Variants in HERC4 observed in about 807,000 individuals in gnomAD.
HERC4 encodes the protein probable E3 ubiquitin-protein ligase HERC4.
HERC4 carries 28 observed loss-of-function variants against 124.3 expected under a neutral mutation model. The ratio of observed to expected loss-of-function variants is 0.23; its 90% CI spans 0.17 to 0.31. The LOEUF (loss-of-function observed/expected upper bound fraction) is 0.31. Among genes scored for constraint, HERC4 ranks in the 10% least tolerant of loss-of-function variants. The pLI is 1.00. For synonymous variants in HERC4, 407 were observed against 421.5 expected, an observed-to-expected ratio of 0.97 and a Z score of 0.42; for missense variants, 713 against 1,229.3, an observed-to-expected ratio of 0.58 and a Z score of 6.28.
At chr10:67,993,995 A>G (rs1250205214) in intron 9 of HERC4, 1 of 152,198 alleles carries the variant, frequency 6.6e-6, no homozygotes, top group Non-Finnish European at 1.5e-5. Context: ...AAGCAAGCAC[A>G]ATGTTTTATT....
intron 12 of HERC4, 56 bp downstream of exon 12, chr10:67,991,084 T>C: frequency 2.9e-6 from 4 of 1,368,440 alleles, no homozygotes; most frequent in Non-Finnish European, 3.9e-6. Flanking sequence ...TAATTTGATA[T>C]ACTATTTAAG....
chr10:67,969,423 T>C (rs922791944), intron 15 of HERC4, among the ~76,000 whole-genome samples: 2 of 151,932 alleles, frequency 1.3e-5, no homozygotes, highest in Admixed American at 6.6e-5. Context: ...CTCTTGTCCA[T>C]AGATGCCACT....
At chr10:68,070,843 A>T (rs1302008734) in intron 3 of HERC4, among the ~76,000 whole-genome samples, 1 of 152,012 alleles carries the variant, frequency 6.6e-6, no homozygotes, top group Admixed American at 6.5e-5. Context: ...CTTATTTCCT[A>T]GCTGTTTATG....
intron 4 of HERC4, among the ~76,000 whole-genome samples, chr10:68,040,853 C>T (rs1231326611): frequency 6.8e-6 from 1 of 147,320 alleles, no homozygotes; most frequent in African/African-American, 2.5e-5. Context: ...TGCGCCACTG[C>T]ACTCCAGCCT....
At chr10:68,045,952 A>G (rs2039992828) in intron 3 of HERC4, among the ~76,000 whole-genome samples, 1 of 152,180 alleles carries the variant, frequency 6.6e-6, no homozygotes. Flanking sequence ...GGTTAGCCCT[A>G]TATAGCCTCT....
chr10:68,069,388 A>G, intron 3 of HERC4: 1 of 985,376 alleles, frequency 1.0e-6, no homozygotes, highest in Non-Finnish European at 1.2e-6. Context: ...AATTCAGAAA[A>G]GCCAGTAGTG....
chr10:67,943,223 T>A (rs572893026), intron 19 of HERC4, among the ~76,000 whole-genome samples: 127 of 152,350 alleles, frequency 8.3e-4, no homozygotes, highest in African/African-American at 2.9e-3. Context: ...TAATTCTGTT[T>A]AAGTTTATAA....
rs1417050517 is a variant in HERC4 at position 68,059,588 on chromosome 10, CATATTATATATCATA to C, written c.226+13280_226+13294del. On this transcript the variant is annotated intron_variant, in intron 3 of 24. Transcript: ENST00000373700. ...TAATATTATATATCATATTATATAT[CATATTATATATCATA>C]ATATTATATATCATAATATTATATA... Among the ~76,000 whole-genome samples the C allele has an allele frequency of 4.5e-3, 366 of 82,002 alleles. 50 individuals are homozygous for C. The highest frequency in any genetic ancestry group is 0.014 in the Middle Eastern group (2 of 144). 53.8% of individuals were successfully genotyped at this position (82,002 alleles called of 152,430 possible). A position where few individuals can be genotyped will look rare whatever the true frequency, so the allele number is the denominator to read the frequency against.
chr10:67,931,689 T>C (rs1360540495), intron 23 of HERC4, among the ~76,000 whole-genome samples: 1 of 152,132 alleles, frequency 6.6e-6, no homozygotes, highest in Admixed American at 6.5e-5. Flanking sequence ...CCTCCCAAAG[T>C]GCTGGGATTA....
Position 67,998,563 on chromosome 10 carries a change from A to G in HERC4, c.1070-5881T>C, listed in dbSNP as rs957417141. 5.4e-3 allele frequency among the ~76,000 whole-genome samples: 704 copies of G among 130,720 alleles called. 11 individuals are homozygous for G. The East Asian group carries it at 0.07, about 13-fold the overall frequency. 85.8% of individuals were successfully genotyped at this position (130,720 alleles called of 152,430 possible). A position where few individuals can be genotyped will look rare whatever the true frequency, so the allele number is the denominator to read the frequency against. On this transcript the variant is annotated intron_variant, in intron 9 of 24. Transcript: ENST00000373700. ...CTCCACCTCAATTGAAAAAAAAAAAAGGGGGGGGGGTACAGTACTATCCAG... is the reference window on the plus strand; with the variant it reads ...CTCCACCTCAATTGAAAAAAAAAAAGGGGGGGGGGGTACAGTACTATCCAG...
At chr10:68,023,755 C>T (rs983275351) in intron 8 of HERC4, among the ~76,000 whole-genome samples, 3 of 152,028 alleles carry the variant, frequency 2.0e-5, no homozygotes, top group African/African-American at 4.8e-5. Context: ...GGGTAATTGA[C>T]TATTTATATT....
chr10:68,052,087 T>C (rs1281522262), intron 3 of HERC4, among the ~76,000 whole-genome samples: 1 of 152,160 alleles, frequency 6.6e-6, no homozygotes, highest in Non-Finnish European at 1.5e-5. Flanking sequence ...AAAGAGACAT[T>C]TAATTTTTGG....
intron 8 of HERC4, among the ~76,000 whole-genome samples, chr10:68,015,449 T>G (rs185965792): frequency 1.2e-3 from 178 of 151,572 alleles, no homozygotes; most frequent in African/African-American, 4.0e-3. Flanking sequence ...TTTAGCGACA[T>G]AAGCTAACTA....
At chr10:68,008,753 T>A (rs1317600340) in intron 9 of HERC4, among the ~76,000 whole-genome samples, 1 of 152,158 alleles carries the variant, frequency 6.6e-6, no homozygotes, top group African/African-American at 2.4e-5. Flanking sequence ...TTATTCACAA[T>A]AGCCAAAAGG....
chr10:68,038,352 C>CAAA, intron 4 of HERC4, 183 bp from the exon 5 acceptor site: 2 of 311,140 alleles, frequency 6.4e-6, no homozygotes, highest in Non-Finnish European at 1.1e-5. Context: ...GAGCTAGATA[C>CAAA]AAAAAAAAAA....
At chr10:67,977,781 A>G (rs1198056648) in intron 15 of HERC4, among the ~76,000 whole-genome samples, 2 of 152,036 alleles carry the variant, frequency 1.3e-5, no homozygotes, top group African/African-American at 4.8e-5. Context: ...CAGGAGTTCA[A>G]GACCAGCCTG....
intron 15 of HERC4, among the ~76,000 whole-genome samples, chr10:67,968,006 G>A (rs2034994511): frequency 6.6e-6 from 1 of 151,978 alleles, no homozygotes; most frequent in African/African-American, 2.4e-5. Flanking sequence ...ACTCTTCCTG[G>A]CACTAACAAT....
chr10:68,010,472 G>T (rs1731166601), intron 9 of HERC4: 6 of 933,372 alleles, frequency 6.4e-6, no homozygotes, highest in South Asian at 2.8e-5. Flanking sequence ...ACCACACTCG[G>T]ATCACATCCT....
At chr10:68,013,628 T>A (rs997583373) in intron 9 of HERC4, among the ~76,000 whole-genome samples, 8 of 152,182 alleles carry the variant, frequency 5.3e-5, no homozygotes, top group African/African-American at 1.9e-4. Context: ...AGTTTTAGTA[T>A]CCTCAAGATG....
Sources: allele counts gnomAD v4.1 joint callset (sites outside exome capture counted in the v4.1 genomes callset), GRCh38; gene constraint gnomAD v4.1.1; transcripts MANE v1.5; gene names NCBI Gene and HGNC (gene_info 2026-07-23, HGNC 2026-07-21).